Variants in HTN1 observed in about 807,000 individuals in gnomAD.
The protein encoded by HTN1 is histatin-1.
In HTN1, 18 loss-of-function variants were observed where a neutral mutation model predicts 11.2. That is an observed-to-expected ratio of 1.61 (90% CI 1.12 to 2.39). HTN1 has a LOEUF of 2.39. Among genes scored for constraint, HTN1 ranks in the 30% most tolerant of loss-of-function variants. The pLI is 0.00. For missense variants in HTN1, 80 were observed against 67.2 expected, an observed-to-expected ratio of 1.19 and a Z score of -0.67; for synonymous variants, 21 against 20.5, an observed-to-expected ratio of 1.02 and a Z score of -0.07.
chr4:70,051,935 ACTG>A (rs1725903535), intron 1 of HTN1, among the ~76,000 whole-genome samples: 1 of 152,160 alleles, frequency 6.6e-6, no homozygotes, highest in Non-Finnish European at 1.5e-5. Flanking sequence ...ATGCCATGTA[ACTG>A]TAAGTCTTGT....
intron 1 of HTN1, among the ~76,000 whole-genome samples, chr4:70,052,319 A>G (rs908832869): frequency 6.6e-6 from 1 of 152,062 alleles, no homozygotes; most frequent in Non-Finnish European, 1.5e-5. Context: ...ATTGCTTTTC[A>G]TTCTACTTTC....
At chr4:70,057,582 C>T (rs1336973089) in intron 5 of HTN1, 2 of 152,168 alleles carry the variant, frequency 1.3e-5, no homozygotes, top group African/African-American at 2.4e-5. Flanking sequence ...ATGCTGAGTT[C>T]TGGGTAGGAA....
In HTN1 at chr4:70,055,273, T is replaced by C. The variant is rs533510903; in HGVS notation, c.103-225T>C. On this transcript the variant is annotated intron_variant, in intron 4 of 5. Transcript: ENST00000246896. Reference sequence around the variant, plus strand: ...ATCAGTGTTTCCACCTGTGCTATTGTCACAAAAATATCAGCAAACAGTAAA... The same window carrying C: ...ATCAGTGTTTCCACCTGTGCTATTGCCACAAAAATATCAGCAAACAGTAAA... Among the ~76,000 whole-genome samples the C allele has an allele frequency of 3.9e-5, 6 of 152,152 alleles. No homozygotes were observed. In the East Asian group the frequency reaches 1.2e-3, roughly 29 times the overall value.
chr4:70,056,707 C>T (rs1356341921), intron 5 of HTN1: 1 of 152,004 alleles, frequency 6.6e-6, no homozygotes, highest in Admixed American at 6.6e-5. Context: ...ACAAACAACC[C>T]CATCTAAAAG....
chr4:70,050,585 T>G (rs764854708), intron 1 of HTN1, 90 bp downstream of exon 1: 3 of 152,160 alleles, frequency 2.0e-5, no homozygotes, highest in Non-Finnish European at 4.4e-5. Flanking sequence ...AAAATGTATA[T>G]TATCTATTTA....
chr4:70,050,809 G>GCA (rs1725873149), intron 1 of HTN1, among the ~76,000 whole-genome samples: 1 of 151,998 alleles, frequency 6.6e-6, no homozygotes, highest in African/African-American at 2.4e-5. Context: ...TACGTGTGCA[G>GCA]GACATGCAGA....
rs572290411 is a variant in HTN1 at position 70,054,097 on chromosome 4, T to G, written c.52-225T>G. ...TCCTGCCTTACATAAAAAAGATATA[T>G]AAACCAAAATGAGTTGATATTTGAA... On this transcript the variant is annotated intron_variant, in intron 2 of 5. Transcript: ENST00000246896. 3.6e-3 allele frequency among the ~76,000 whole-genome samples: 543 copies of G among 152,152 alleles called. 3 individuals carry two copies. The highest frequency in any genetic ancestry group is 0.032 in the South Asian group (153 of 4,830).
At chr4:70,055,352 G>T (rs6818370) in intron 4 of HTN1, 146 bp from the exon 5 acceptor site, 72,593 of 636,754 alleles carry the variant, frequency 0.11, 4,785 homozygotes, top group Middle Eastern at 0.21. Context: ...AAAGAAAAAT[G>T]TAAAAGTTTG....
In HTN1 at chr4:70,055,573, C is replaced by A. The variant is rs367871166; in HGVS notation, c.*4C>A. On this transcript the variant is annotated 3_prime_UTR_variant, in exon 5 of 6. Transcript: ENST00000246896. The stretch of plus-strand genomic sequence containing the variant: ...AAATTATCTATATGACAATTGATAT[C>A]CTTAGTAATCATGGGGCATGATTAT... The A allele has an allele frequency of 1.3e-6, 2 of 1,519,320 alleles. No individual in the cohort carries two copies. Among genetic ancestry groups the A allele is most frequent in the African/African-American group, 2.8e-5 (2 of 72,588 alleles). The allele number at this position is 1,519,320 out of a possible 1,614,324, so 94.1% of individuals were successfully genotyped here. A position where few individuals can be genotyped will look rare whatever the true frequency, so the allele number is the denominator to read the frequency against.
intron 5 of HTN1, chr4:70,057,060 C>T (rs1164959581): frequency 6.6e-6 from 1 of 152,194 alleles, no homozygotes; most frequent in Non-Finnish European, 1.5e-5. Context: ...GAACGTAAAT[C>T]ATTCTACTAT....
At chr4:70,055,716 T>C (rs1478589730) in intron 5 of HTN1, 114 bp downstream of exon 5, 6 of 590,528 alleles carry the variant, frequency 1.0e-5, no homozygotes, top group Non-Finnish European at 1.8e-5. Flanking sequence ...GGTTAGCTCC[T>C]TGAAGTGTAT....
At chr4:70,057,788 A>G (rs1200468277) in intron 5 of HTN1, 1 of 152,182 alleles carries the variant, frequency 6.6e-6, no homozygotes, top group Non-Finnish European at 1.5e-5. Context: ...AACACTGTAC[A>G]TGGATGTTAT....
chr4:70,053,746 C>T (rs1725958443), intron 2 of HTN1, among the ~76,000 whole-genome samples: 1 of 152,066 alleles, frequency 6.6e-6, no homozygotes, highest in Admixed American at 6.6e-5. Context: ...CTTCCTCCTC[C>T]TCCTCCTCCT....
chr4:70,055,248 AT>A (rs1210231864), intron 4 of HTN1, among the ~76,000 whole-genome samples: 2 of 152,062 alleles, frequency 1.3e-5, no homozygotes, highest in Non-Finnish European at 2.9e-5. Context: ...GTTACCTATA[AT>A]CAGTGTTTCC....
At chr4:70,055,747 G>T (rs1273372696) in intron 5 of HTN1, 145 bp downstream of exon 5, 11 of 542,208 alleles carry the variant, frequency 2.0e-5, no homozygotes, top group African/African-American at 1.5e-4. Flanking sequence ...AAATGCTTCT[G>T]AAGCTGTAGA....
At chr4:70,057,000 C>G (rs778242211) in intron 5 of HTN1, 5 of 151,968 alleles carry the variant, frequency 3.3e-5, no homozygotes, top group African/African-American at 1.2e-4. Context: ...GATCTAGAAC[C>G]GGAAATACCA....
intron 1 of HTN1, among the ~76,000 whole-genome samples, chr4:70,052,369 A>G (rs1456956744): frequency 6.6e-6 from 1 of 152,050 alleles, no homozygotes; most frequent in Non-Finnish European, 1.5e-5. Flanking sequence ...AGCATTCTTA[A>G]TGTCATTATA....
chr4:70,052,975 T>C (rs1461287547), intron 1 of HTN1, 89 bp from the exon 2 acceptor site: 3 of 803,136 alleles, frequency 3.7e-6, no homozygotes, highest in Non-Finnish European at 6.5e-6. Flanking sequence ...TGTCTCCCAA[T>C]GCTTTGAAGC....
At chr4:70,055,367 CATTT>C in intron 4 of HTN1, 127 bp from the exon 5 acceptor site, 4 of 678,922 alleles carry the variant, frequency 5.9e-6, no homozygotes, top group Non-Finnish European at 1.0e-5. Context: ...AGTTTGAAAA[CATTT>C]ATGTAGATAA....
Sources: gnomAD v4.1 joint callset for allele counts (sites outside exome capture counted in the v4.1 genomes callset) on GRCh38, gnomAD v4.1.1 for gene constraint, MANE v1.5 for transcripts, NCBI Gene and HGNC (gene_info 2026-07-23, HGNC 2026-07-21) for gene names.